LRP1-AS: variants seen among roughly 807,000 people sequenced by gnomAD.
LRP1-AS encodes LRP1 antisense RNA.
intron 1 of LRP1-AS, chr12:57,145,430 A>G: frequency 6.2e-6 from 10 of 1,614,082 alleles, no homozygotes; most frequent in Non-Finnish European, 8.5e-6. Context: ...GTGTGCCCGC[A>G]TGCCTGGCCT....
At chr12:57,144,757 G>T in exon 2 of LRP1-AS, 1 of 582,326 alleles carries the variant, frequency 1.7e-6, no homozygotes, top group Non-Finnish European at 3.1e-6. Flanking sequence ...TCCCTGCGTG[G>T]ATGAGTGATA....
chr12:57,145,247 G>C (rs1592606936), intron 1 of LRP1-AS: 1 of 1,614,142 alleles, frequency 6.2e-7, no homozygotes, highest in Non-Finnish European at 8.5e-7. Context: ...CCGGCCCCCT[G>C]TGCTGTTGAT....
At chr12:57,147,368 G>A (rs1238619925) in intron 1 of LRP1-AS, 7 of 152,160 alleles carry the variant, frequency 4.6e-5, no homozygotes, top group Non-Finnish European at 7.3e-5. Context: ...CAGTTTCTGG[G>A]TCATCCCCCT....
At chr12:57,146,271 G>T (rs929606030) in intron 1 of LRP1-AS, among the ~76,000 whole-genome samples, 3 of 152,182 alleles carry the variant, frequency 2.0e-5, no homozygotes, top group African/African-American at 2.4e-5. Context: ...GCACCACAGG[G>T]CTGAGAGGAA....
At chr12:57,145,779 G>A (rs2035393491) in intron 1 of LRP1-AS, among the ~76,000 whole-genome samples, 1 of 152,166 alleles carries the variant, frequency 6.6e-6, no homozygotes, top group Non-Finnish European at 1.5e-5. Flanking sequence ...TTCTCTGAGA[G>A]GGGAGTGTTG....
At chr12:57,145,219 A>G (rs570042459) in intron 1 of LRP1-AS, 22 of 1,613,884 alleles carry the variant, frequency 1.4e-5, no homozygotes, top group Non-Finnish European at 1.7e-5. Context: ...TCTCTTCCCC[A>G]TTCCCAGAGC....
At chr12:57,145,657 C>T (rs796098010) in intron 1 of LRP1-AS, among the ~76,000 whole-genome samples, 18 of 152,264 alleles carry the variant, frequency 1.2e-4, no homozygotes, top group African/African-American at 4.1e-4. Flanking sequence ...GGCAGAGCCA[C>T]CGGCACGCTC....
At chr12:57,147,031 C>T (rs2035423609) in intron 1 of LRP1-AS, among the ~76,000 whole-genome samples, 1 of 152,108 alleles carries the variant, frequency 6.6e-6, no homozygotes, top group Non-Finnish European at 1.5e-5. Flanking sequence ...GGCCTCATCT[C>T]CTTATCTGAC....
chr12:57,145,521 G>A (rs775814530), intron 1 of LRP1-AS: 1 of 1,603,166 alleles, frequency 6.2e-7, no homozygotes, highest in Non-Finnish European at 8.5e-7. Context: ...TTGGAGGGCT[G>A]GGGAGGGTAG....
In LRP1-AS at chr12:57,145,514, G is replaced by A. The variant is rs1018476253; in HGVS notation, n.182-431C>T. Reference sequence around the variant, plus strand: ...CCGTGAGTCACCTGCTCTCAGCTTGGAGGGCTGGGGAGGGTAGGGGAGACA... The same window carrying A: ...CCGTGAGTCACCTGCTCTCAGCTTGAAGGGCTGGGGAGGGTAGGGGAGACA... On this transcript the variant is annotated intron_variant and non_coding_transcript_variant, in intron 1 of 1. Coordinates refer to ENST00000555461, the Ensembl canonical transcript of LRP1-AS. 3.7e-6 allele frequency: 6 copies of A among 1,607,504 alleles called. No individual in the cohort carries two copies. In the African/African-American group the frequency reaches 8.0e-5, roughly 21 times the overall value.
intron 1 of LRP1-AS, chr12:57,145,370 A>T: frequency 6.2e-7 from 1 of 1,614,068 alleles, no homozygotes; most frequent in Non-Finnish European, 8.5e-7. Context: ...TGCCAACGAG[A>T]CCGTATGCTG....
chr12:57,144,748 C>T lies in LRP1-AS; in HGVS notation n.517G>A, dbSNP rs2035364490. On this transcript the variant is annotated non_coding_transcript_exon_variant, in exon 2 of 2. Transcript: ENST00000555461. ...CCATAGTAGGGACTCAATAAATCTT[C>T]CCTGCGTGGATGAGTGATATGTACA... is the stretch of plus-strand genomic sequence containing the variant. 1.1e-5 allele frequency: 6 copies of T among 570,566 alleles called. No homozygotes were observed. In the South Asian group the frequency reaches 1.3e-4, roughly 12 times the overall value. 35.3% of individuals were successfully genotyped at this position (570,566 alleles called of 1,614,324 possible). A position where few individuals can be genotyped will look rare whatever the true frequency, so the allele number is the denominator to read the frequency against.
At chr12:57,144,708 C>A (rs2035363627) in exon 2 of LRP1-AS, 1 of 501,376 alleles carries the variant, frequency 2.0e-6, no homozygotes, top group African/African-American at 1.9e-5. Context: ...CACTGATGCA[C>A]CCCTGGCACC....
At chr12:57,145,126 G>A (rs1220818561) in intron 1 of LRP1-AS, 1 of 1,613,834 alleles carries the variant, frequency 6.2e-7, no homozygotes, top group Non-Finnish European at 8.5e-7. Context: ...TCTGGCCACA[G>A]TGCTAACTAA....
chr12:57,147,032 C>T (rs2035423646), intron 1 of LRP1-AS, among the ~76,000 whole-genome samples: 1 of 152,102 alleles, frequency 6.6e-6, no homozygotes, highest in South Asian at 2.1e-4. Flanking sequence ...GCCTCATCTC[C>T]TTATCTGACT....
At chr12:57,146,592 G>T (rs544244456) in intron 1 of LRP1-AS, 1 of 152,232 alleles carries the variant, frequency 6.6e-6, no homozygotes. Flanking sequence ...CCCTCCCCGG[G>T]ATGGTGGCGA....
At chr12:57,144,891 T>C (rs888062443) in exon 2 of LRP1-AS, 2 of 1,382,028 alleles carry the variant, frequency 1.4e-6, no homozygotes, top group Non-Finnish European at 2.1e-6. Context: ...AGGATGGACA[T>C]GTTGATCATG....
chr12:57,145,650 A>G (rs571847735), intron 1 of LRP1-AS, among the ~76,000 whole-genome samples: 59 of 152,296 alleles, frequency 3.9e-4, no homozygotes, highest in Admixed American at 1.1e-3. Flanking sequence ...AGGCAGGGGC[A>G]GAGCCACCGG....
At chr12:57,146,392 G>C (rs1219841726) in intron 1 of LRP1-AS, 3 of 152,212 alleles carry the variant, frequency 2.0e-5, no homozygotes, top group African/African-American at 4.8e-5. Context: ...TGCATAATGG[G>C]TTTGAGCTTG....
Sources: gnomAD v4.1 joint callset for allele counts (sites outside exome capture counted in the v4.1 genomes callset) on GRCh38, gnomAD v4.1.1 for gene constraint, MANE v1.5 for transcripts, NCBI Gene and HGNC (gene_info 2026-07-23, HGNC 2026-07-21) for gene names.